The following LOC728743 variants were observed in gnomAD, a reference collection of about 807,000 sequenced individuals.
chr7:150,407,800 C>A, the LOC728743 span: 1 of 404,750 alleles, frequency 2.5e-6, no homozygotes, highest in East Asian at 3.6e-5. Flanking sequence ...CCGGAGCGGG[C>A]CGCGCGGCTG....
the LOC728743 span, chr7:150,408,576 G>A: frequency 7.2e-4 from 139 of 192,756 alleles, no homozygotes; most frequent in East Asian, 0.016. Context: ...ATGGCAGGTG[G>A]GGCGGTCTGG....
chr7:150,407,476 G>A, the LOC728743 span: 24 of 397,454 alleles, frequency 6.0e-5, no homozygotes, highest in Non-Finnish European at 9.3e-5. Context: ...GAAAGGTGGA[G>A]GTTGTGGGAG....
At chr7:150,407,786 C>T in the LOC728743 span, 1 of 402,210 alleles carries the variant, frequency 2.5e-6, no homozygotes, top group Non-Finnish European at 4.4e-6. Context: ...CCAGAAGGCG[C>T]ACGCCGGAGC....
the LOC728743 span, among the ~76,000 whole-genome samples, chr7:150,402,378 C>A: frequency 1.3e-5 from 2 of 152,234 alleles, no homozygotes; most frequent in African/African-American, 4.8e-5. Flanking sequence ...AGGGCAGCAG[C>A]TTTGCCTGCA....
the LOC728743 span, chr7:150,408,071 C>G: frequency 2.7e-6 from 1 of 377,038 alleles, no homozygotes; most frequent in African/African-American, 2.1e-5. Context: ...CGCGCCGCAC[C>G]CGCGCCGCCC....
the LOC728743 span, among the ~76,000 whole-genome samples, chr7:150,403,564 G>A: frequency 6.6e-6 from 1 of 152,314 alleles, no homozygotes; most frequent in Admixed American, 6.5e-5. The surrounding 1 kb of genome is among the most constrained non-coding windows in gnomAD (Gnocchi z 5.1). Flanking sequence ...TGGAAAGCTG[G>A]GCAGTGTTGA....
chr7:150,402,865 CAGTGCAG>C, the LOC728743 span, among the ~76,000 whole-genome samples: 2 of 152,172 alleles, frequency 1.3e-5, no homozygotes, highest in Non-Finnish European at 2.9e-5. Flanking sequence ...AGGGTGACTA[CAGTGCAG>C]AGTCTGGGAC....
the LOC728743 span, chr7:150,408,175 C>A: frequency 5.1e-6 from 2 of 392,428 alleles, 1 homozygote; most frequent in South Asian, 2.6e-4. Flanking sequence ...AGCGCAGCCA[C>A]GGCCACGGGC....
chr7:150,408,726 T>TAC, the LOC728743 span, among the ~76,000 whole-genome samples: 5 of 152,248 alleles, frequency 3.3e-5, no homozygotes, highest in Non-Finnish European at 5.9e-5. Context: ...CTGGCTCCTG[T>TAC]ACACACTCTC....
At chr7:150,410,118 C>T in the LOC728743 span, 15 of 398,728 alleles carry the variant, frequency 3.8e-5, no homozygotes, top group African/African-American at 1.6e-4. Context: ...GGCCATGTCA[C>T]GGCTCCACAC....
chr7:150,402,562 C>A, the LOC728743 span, among the ~76,000 whole-genome samples: 1 of 152,250 alleles, frequency 6.6e-6, no homozygotes. Context: ...CAAAGAGACG[C>A]TAAAATAGTC....
the LOC728743 span, chr7:150,408,488 G>A: frequency 3.3e-6 from 1 of 303,730 alleles, no homozygotes; most frequent in African/African-American, 2.2e-5. Context: ...GCCTAGAGCA[G>A]GTGAGACCTG....
At chr7:150,409,690 C>T in the LOC728743 span, among the ~76,000 whole-genome samples, 3 of 151,780 alleles carry the variant, frequency 2.0e-5, no homozygotes, top group South Asian at 4.2e-4. Flanking sequence ...AGGGGTGGTA[C>T]GGGTGTTTGA....
chr7:150,402,902 C>T, the LOC728743 span, among the ~76,000 whole-genome samples: 117 of 152,276 alleles, frequency 7.7e-4, no homozygotes, highest in African/African-American at 2.7e-3. Flanking sequence ...CTGAGCTACA[C>T]GTTTACCCAT....
chr7:150,407,929 C>G, the LOC728743 span: 1 of 413,036 alleles, frequency 2.4e-6, no homozygotes, highest in Admixed American at 4.3e-5. Context: ...GCTGCTTCAG[C>G]CTCAAGCAGA....
chr7:150,401,282 C>T, the LOC728743 span, among the ~76,000 whole-genome samples: 3 of 152,308 alleles, frequency 2.0e-5, no homozygotes, highest in East Asian at 1.9e-4. Context: ...GTAAGGCAGT[C>T]GGCCTCATTG....
chr7:150,411,067 C>G, the LOC728743 span: 2 of 152,366 alleles, frequency 1.3e-5, no homozygotes, highest in African/African-American at 4.8e-5. Context: ...GCTAGATTTT[C>G]TCTTCTGGTT....
At chr7:150,404,927 C>T in the LOC728743 span, 1 of 152,350 alleles carries the variant, frequency 6.6e-6, no homozygotes, top group Admixed American at 6.5e-5. Flanking sequence ...GCGCTCAGCC[C>T]ATGTCACCCG....
chr7:150,404,270 A>G, the LOC728743 span, among the ~76,000 whole-genome samples: 1 of 152,064 alleles, frequency 6.6e-6, no homozygotes, highest in African/African-American at 2.4e-5. Flanking sequence ...TCAAATGTAC[A>G]CCCTCAGGCA....
Sources: allele counts gnomAD v4.1 joint callset (sites outside exome capture counted in the v4.1 genomes callset), GRCh38; gene constraint gnomAD v4.1.1; non-coding constraint Gnocchi (gnomAD v3.1); transcripts MANE v1.5.